Variants in PATJ observed in about 807,000 individuals in gnomAD.
The protein encoded by PATJ is inaD-like protein.
A neutral mutation model predicts 224.9 loss-of-function variants in PATJ; 190 were observed. That is an observed-to-expected ratio of 0.84 (90% confidence interval 0.75 to 0.95). The LOEUF (loss-of-function observed/expected upper bound fraction) is 0.95, where lower values mean the gene tolerates loss of function less well. Ranked by LOEUF, PATJ falls within the 40% of genes least tolerant of loss-of-function variation. The pLI is 0.00. For synonymous variants in PATJ, 769 were observed against 820.3 expected, an observed-to-expected ratio of 0.94 and a Z score of 1.07; for missense variants, 2,121 against 2,270.3, an observed-to-expected ratio of 0.93 and a Z score of 1.34.
At position 62,128,147 on chromosome 1, in the gene PATJ, G is replaced by A. The variant is rs929744472; in HGVS notation, c.5166+53G>A. The A allele has an allele frequency of 1.9e-6, 3 of 1,609,476 alleles. No individual in the cohort carries two copies. The African/African-American group carries it at 4.0e-5, about 22-fold the overall frequency. On this transcript the variant is annotated intron_variant, in intron 40 of 43. Coordinates refer to ENST00000642238, the MANE Select transcript of PATJ (RefSeq NM_001350145.3). ...AACAATATGTGTTGGGGTGGGAGAG[G>A]AAGTTGCAGCCCTGGGCACCTTGTT...
chr1:62,023,440 T>G (rs1647204760), intron 29 of PATJ, among the ~76,000 whole-genome samples: 1 of 152,228 alleles, frequency 6.6e-6, no homozygotes, highest in Non-Finnish European at 1.5e-5. Context: ...GAACACCTAC[T>G]TGTGTTAATG....
chr1:62,104,933 A>G (rs1029496070), intron 33 of PATJ, among the ~76,000 whole-genome samples: 1 of 152,122 alleles, frequency 6.6e-6, no homozygotes, highest in Admixed American at 6.5e-5. Context: ...CAAGTGATCC[A>G]CCCAACTCGG....
intron 1 of PATJ, among the ~76,000 whole-genome samples, chr1:61,743,444 T>C (rs1003502920): frequency 6.6e-6 from 1 of 152,166 alleles, no homozygotes; most frequent in East Asian, 1.9e-4. Flanking sequence ...ATTTAGAGGG[T>C]GCCCCTTTCA....
Position 62,162,928 on chromosome 1 carries a change from CAG to C in PATJ, c.*1877_*1878del, listed in dbSNP as rs1450434262. The C allele has an allele frequency of 5.2e-6, 2 of 386,038 alleles. No individual in the cohort carries two copies. The highest frequency in any genetic ancestry group is 4.4e-5 in the African/African-American group (2 of 45,856). The allele number at this position is 386,038 out of a possible 1,614,324, so 23.9% of individuals were successfully genotyped here. On this transcript the variant is annotated 3_prime_UTR_variant, in exon 44 of 44. Transcript: ENST00000642238. ...TGCCACTCCACTCCAGCCTGGGTGACAGAGCAAGACTCTGTCTCGAAAAAGAA... is the reference window on the plus strand; with the variant it reads ...TGCCACTCCACTCCAGCCTGGGTGACAGCAAGACTCTGTCTCGAAAAAGAA...
chr1:61,749,006 A>G (rs192516654), intron 1 of PATJ, among the ~76,000 whole-genome samples: 31 of 151,144 alleles, frequency 2.1e-4, no homozygotes, highest in Admixed American at 1.9e-3. Context: ...TTTTCTCCTG[A>G]GATGGAGTTG....
At chr1:62,119,643 T>G (rs750856656) in intron 37 of PATJ, among the ~76,000 whole-genome samples, 4 of 152,126 alleles carry the variant, frequency 2.6e-5, no homozygotes, top group African/African-American at 4.8e-5. Flanking sequence ...CAAAGTGTAC[T>G]TTTATAAACG....
chr1:61,853,930 CG>C (rs1557759676), intron 17 of PATJ, among the ~76,000 whole-genome samples: 1 of 152,006 alleles, frequency 6.6e-6, no homozygotes, highest in African/African-American at 2.4e-5. Context: ...TCTCTTGACT[CG>C]GGGGTAGAAA....
At position 61,993,932 on chromosome 1, in the gene PATJ, G is replaced by A. The variant is rs150948418; in HGVS notation, c.3867+3568G>A. On this transcript the variant is annotated intron_variant, in intron 28 of 43. Transcript: ENST00000642238. ...CCTCCTATGCTTTCCTTTGACTTTCGGAATTTGGCCCTTTCATTGCAATTC... is the reference window on the plus strand; with the variant it reads ...CCTCCTATGCTTTCCTTTGACTTTCAGAATTTGGCCCTTTCATTGCAATTC... 8.1e-3 allele frequency among the ~76,000 whole-genome samples: 1,237 copies of A among 151,970 alleles called. 24 individuals are homozygous for A. The highest frequency in any genetic ancestry group is 0.028 in the African/African-American group (1,172 of 41,428).
At chr1:61,943,507 C>G (rs1678149811) in intron 27 of PATJ, among the ~76,000 whole-genome samples, 1 of 152,134 alleles carries the variant, frequency 6.6e-6, no homozygotes, top group Non-Finnish European at 1.5e-5. Context: ...AGTCTGAGAT[C>G]GAACTGCGAG....
At chr1:61,795,690 C>T in intron 10 of PATJ, 132 bp downstream of exon 10, 1 of 505,650 alleles carries the variant, frequency 2.0e-6, no homozygotes, top group South Asian at 4.0e-5. Flanking sequence ...GTTTGTTATA[C>T]AGTGAAATCT....
At chr1:62,042,776 A>G (rs1182984097) in intron 30 of PATJ, among the ~76,000 whole-genome samples, 1 of 152,108 alleles carries the variant, frequency 6.6e-6, no homozygotes, top group Non-Finnish European at 1.5e-5. Flanking sequence ...CCTCCCAAGT[A>G]GCTGGGACTA....
rs566837075 is a variant in PATJ, at chr1:61,946,780, AC to A, written c.3670+18953del. The stretch of plus-strand genomic sequence containing the variant: ...ACACAACAAAAAAAGAGAATTTTAG[AC>A]CAATATCCCTGATGAACATCGATGC... On this transcript the variant is annotated intron_variant, in intron 27 of 43. Coordinates refer to ENST00000642238, the MANE Select transcript of PATJ (RefSeq NM_001350145.3). Among the ~76,000 whole-genome samples, 849 of 152,272 alleles carry A rather than the reference AC, an allele frequency of 5.6e-3. 10 individuals carry two copies. The highest frequency in any genetic ancestry group is 0.014 in the Middle Eastern group (4 of 294).
rs781520957 is a variant in PATJ at position 61,856,084 on chromosome 1, G to T, written c.2167G>T (p.Gly723Cys). 4.3e-5 allele frequency: 69 copies of T among 1,614,020 alleles called. No individual in the cohort carries two copies. Among genetic ancestry groups the T allele is most frequent in the Middle Eastern group, 1.6e-4 (1 of 6,084 alleles). Reference protein sequence around the residue: ...VIVIRSLVADGVAERSGGLLP... With the variant: ...VIVIRSLVADCVAERSGGLLP... ...TGTGATCCGCTCCCTGGTAGCAGAT[G>T]GTGTAGCAGAAAGAAGTGGGGGACT... The change falls in exon 18 of 44, where the codon GGT becomes TGT. Residue 723 changes from glycine to cysteine, a missense_variant. Transcript: ENST00000642238.
At chr1:61,758,935 G>C (rs962845904) in intron 1 of PATJ, among the ~76,000 whole-genome samples, 2 of 152,218 alleles carry the variant, frequency 1.3e-5, no homozygotes, top group South Asian at 4.1e-4. Flanking sequence ...AATAGAAAAT[G>C]CCTGTGATTT....
chr1:62,109,698 T>G (rs1408059340), intron 34 of PATJ, among the ~76,000 whole-genome samples: 1 of 152,214 alleles, frequency 6.6e-6, no homozygotes, highest in East Asian at 1.9e-4. Flanking sequence ...TTAAGATGAA[T>G]AGATTAAATA....
At chr1:62,104,024 T>C (rs1340135582) in intron 33 of PATJ, among the ~76,000 whole-genome samples, 2 of 152,234 alleles carry the variant, frequency 1.3e-5, no homozygotes, top group African/African-American at 4.8e-5. Flanking sequence ...AGTGGGTTGA[T>C]TAATGGACTG....
At chr1:62,157,106 G>A (rs773610505) in intron 43 of PATJ, among the ~76,000 whole-genome samples, 16 of 151,558 alleles carry the variant, frequency 1.1e-4, no homozygotes, top group Non-Finnish European at 1.6e-4. Flanking sequence ...GGCAGATCAC[G>A]TGAGGTCAGG....
intron 29 of PATJ, among the ~76,000 whole-genome samples, chr1:62,019,254 A>C (rs994907147): frequency 4.0e-5 from 6 of 151,404 alleles, no homozygotes; most frequent in African/African-American, 1.5e-4. Context: ...AAAAAAAAAA[A>C]AAAAGGCCGG....
intron 29 of PATJ, among the ~76,000 whole-genome samples, chr1:62,023,150 C>T (rs945579284): frequency 2.0e-5 from 3 of 151,944 alleles, no homozygotes; most frequent in African/African-American, 4.8e-5. Flanking sequence ...ATCAGCTGGG[C>T]GTGGTGGCGG....
Sources: allele counts gnomAD v4.1 joint callset (sites outside exome capture counted in the v4.1 genomes callset), GRCh38; gene constraint gnomAD v4.1.1; transcripts MANE v1.5; gene names NCBI Gene and HGNC (gene_info 2026-07-23, HGNC 2026-07-21).